Variants in PLXDC2 observed in about 807,000 individuals in gnomAD.
The protein encoded by PLXDC2 is plexin domain-containing protein 2.
Under a neutral mutation model 68.9 loss-of-function variants are expected in PLXDC2, and 40 were observed. The observed-to-expected ratio is 0.58, with a 90% CI of 0.45 to 0.76. The LOEUF (loss-of-function observed/expected upper bound fraction) is 0.76, where lower values mean the gene tolerates loss of function less well. PLXDC2 is among the 30% of genes least tolerant of loss of function. The pLI is 0.00. For missense variants in PLXDC2, 644 were observed against 661.9 expected (o/e 0.97, Z 0.30); for synonymous variants, 243 against 234.2 (o/e 1.04, Z -0.34).
At chr10:20,194,344 A>T (rs115719868) in intron 9 of PLXDC2, among the ~76,000 whole-genome samples, 1 of 151,896 alleles carries the variant, frequency 6.6e-6, no homozygotes, top group Non-Finnish European at 1.5e-5. Flanking sequence ...ATTTACTTCA[A>T]CTGGGAATAA....
At chr10:20,093,821 G>A (rs1833313129) in intron 4 of PLXDC2, among the ~76,000 whole-genome samples, 2 of 152,016 alleles carry the variant, frequency 1.3e-5, no homozygotes, top group Non-Finnish European at 2.9e-5. Context: ...CCAAAGGTTA[G>A]CACCACCATG....
At chr10:20,103,533 AG>A (rs1833449308) in intron 4 of PLXDC2, among the ~76,000 whole-genome samples, 1 of 152,056 alleles carries the variant, frequency 6.6e-6, no homozygotes, top group African/African-American at 2.4e-5. Flanking sequence ...AAAGGGGTGC[AG>A]AGGAAAGGAA....
intron 4 of PLXDC2, among the ~76,000 whole-genome samples, chr10:20,100,688 A>G (rs1251149883): frequency 2.0e-5 from 3 of 152,180 alleles, no homozygotes; most frequent in South Asian, 2.1e-4. Context: ...ACAGAAAGGA[A>G]GGGGAAGAGA....
chr10:20,225,166 A>T (rs1348555036), intron 12 of PLXDC2, among the ~76,000 whole-genome samples: 1 of 152,182 alleles, frequency 6.6e-6, no homozygotes, highest in South Asian at 2.1e-4. Flanking sequence ...ATTTCTGAAG[A>T]TATCATAAGA....
intron 4 of PLXDC2, among the ~76,000 whole-genome samples, chr10:20,107,046 G>T (rs1185285642): frequency 1.4e-5 from 2 of 147,630 alleles, no homozygotes; most frequent in African/African-American, 2.5e-5. Context: ...TATATATATA[G>T]TATGTATATA....
chr10:20,266,964 G>T (rs1173844972), intron 13 of PLXDC2, among the ~76,000 whole-genome samples: 1 of 152,112 alleles, frequency 6.6e-6, no homozygotes, highest in African/African-American at 2.4e-5. Flanking sequence ...AGTTAGCAGA[G>T]AACTTAAGGA....
intron 12 of PLXDC2, among the ~76,000 whole-genome samples, chr10:20,228,517 G>T (rs1016861525): frequency 6.6e-6 from 1 of 151,708 alleles, no homozygotes. Flanking sequence ...AGCCATGATT[G>T]CACCACTGCA....
At chr10:19,947,342 G>A (rs7898627) in intron 1 of PLXDC2, among the ~76,000 whole-genome samples, 127,191 of 152,116 alleles carry the variant, frequency 0.84, 53,358 homozygotes, top group East Asian at 0.95. Flanking sequence ...TGGGAAACAC[G>A]CCACTGTTGA....
At chr10:19,915,543 T>G (rs961115401) in intron 1 of PLXDC2, among the ~76,000 whole-genome samples, 1 of 152,202 alleles carries the variant, frequency 6.6e-6, no homozygotes, top group Non-Finnish European at 1.5e-5. Flanking sequence ...ATTTTACCCA[T>G]AGATTTTCCT....
In PLXDC2 at chr10:20,012,919, G is replaced by A. The variant is rs560430222; in HGVS notation, c.324+10933G>A. ...GGCAGCCCTTGGGAACGGTTGTTTT[G>A]AGTTATTTTCTATATGTTATTTCAA... On this transcript the variant is annotated intron_variant, in intron 2 of 13. Coordinates refer to ENST00000377252, the MANE Select transcript of PLXDC2 (RefSeq NM_032812.9). 3.9e-5 allele frequency among the ~76,000 whole-genome samples: 6 copies of A among 152,234 alleles called. No homozygotes were observed. In the East Asian group the frequency reaches 1.2e-3, roughly 29 times the overall value.
At chr10:20,256,018 A>C (rs1029887310) in intron 13 of PLXDC2, among the ~76,000 whole-genome samples, 1 of 152,092 alleles carries the variant, frequency 6.6e-6, no homozygotes, top group African/African-American at 2.4e-5. Context: ...CTTTCAGCTA[A>C]TTACTACATT....
At chr10:20,146,162 T>A (rs563729975) in intron 5 of PLXDC2, among the ~76,000 whole-genome samples, 6 of 152,104 alleles carry the variant, frequency 3.9e-5, no homozygotes, top group Admixed American at 2.0e-4. Flanking sequence ...CAGAGTGCGA[T>A]AGAAACTAGA....
chr10:20,266,073 A>T (rs1835868517), intron 13 of PLXDC2, among the ~76,000 whole-genome samples: 1 of 152,206 alleles, frequency 6.6e-6, no homozygotes, highest in African/African-American at 2.4e-5. Context: ...AGAAAATTTT[A>T]AAAGGGATTA....
At chr10:20,218,028 A>G (rs1473724137) in intron 11 of PLXDC2, among the ~76,000 whole-genome samples, 1 of 152,210 alleles carries the variant, frequency 6.6e-6, no homozygotes, top group Non-Finnish European at 1.5e-5. Context: ...AATGCAGTCA[A>G]TAAAATATAT....
rs1195263529 is a variant in PLXDC2 at position 20,082,052 on chromosome 10, AAAAAAAAAAATC to A, written c.541+13824_541+13835del. Among the ~76,000 whole-genome samples, 42 of 142,416 alleles carry A rather than the reference AAAAAAAAAAATC, an allele frequency of 2.9e-4. 5 individuals carry two copies. The highest frequency in any genetic ancestry group is 9.5e-4 in the African/African-American group (36 of 38,074). The allele number at this position is 142,416 out of a possible 152,430, so 93.4% of individuals were successfully genotyped here. On this transcript the variant is annotated intron_variant, in intron 4 of 13. Coordinates refer to ENST00000377252, the MANE Select transcript of PLXDC2 (RefSeq NM_032812.9). ...AAGAGTGAAACTCCATCTGAAAAAA[AAAAAAAAAAATC>A]AAAAAAAAAAAACAGGAGAAGTCTG...
chr10:19,943,751 A>G (rs555690316), intron 1 of PLXDC2, among the ~76,000 whole-genome samples: 2 of 152,230 alleles, frequency 1.3e-5, no homozygotes, highest in African/African-American at 2.4e-5. Flanking sequence ...TTCAAGTAGG[A>G]ACAGTCTCAT....
intron 1 of PLXDC2, among the ~76,000 whole-genome samples, chr10:19,931,899 A>G (rs2131389868): frequency 6.6e-6 from 1 of 152,166 alleles, no homozygotes; most frequent in South Asian, 2.1e-4. Flanking sequence ...AAATTCAGGA[A>G]ATATACTTAA....
chr10:20,177,461 A>G, intron 9 of PLXDC2, 52 bp downstream of exon 9: 1 of 972,572 alleles, frequency 1.0e-6, no homozygotes. Flanking sequence ...ATATTTTAAA[A>G]GATTAGAAAT....
chr10:20,103,844 T>C (rs963169745), intron 4 of PLXDC2, among the ~76,000 whole-genome samples: 48 of 152,188 alleles, frequency 3.2e-4, no homozygotes, highest in African/African-American at 1.2e-3. Context: ...GGTTTTGCCA[T>C]GTTGGCCAGG....
Sources: gnomAD v4.1 joint callset for allele counts (sites outside exome capture counted in the v4.1 genomes callset) on GRCh38, gnomAD v4.1.1 for gene constraint, MANE v1.5 for transcripts, NCBI Gene and HGNC (gene_info 2026-07-23, HGNC 2026-07-21) for gene names.